The following PPP4R2 variants were observed in gnomAD, a reference collection of about 807,000 sequenced individuals.
PPP4R2 encodes serine/threonine-protein phosphatase 4 regulatory subunit 2.
PPP4R2 carries 13 observed loss-of-function variants against 47.2 expected under a neutral mutation model. That is an observed-to-expected ratio of 0.28 (90% CI 0.18 to 0.44). The LOEUF (loss-of-function observed/expected upper bound fraction) is 0.44, where lower values mean the gene tolerates loss of function less well. PPP4R2 is among the 20% of genes least tolerant of loss of function. PPP4R2 has a pLI of 1.00. For synonymous variants in PPP4R2, 151 were observed against 163.3 expected (o/e 0.92, Z 0.57); for missense variants, 421 against 491.2 (o/e 0.86, Z 1.35).
At chr3:73,053,677 A>G (rs1205297720) in intron 3 of PPP4R2, among the ~76,000 whole-genome samples, 1 of 152,078 alleles carries the variant, frequency 6.6e-6, no homozygotes, top group African/African-American at 2.4e-5. Flanking sequence ...TGGGAGGCCC[A>G]GGCAGGCGGA....
chr3:73,068,344 T>G lies in PPP4R2; in HGVS notation c.*2622T>G, dbSNP rs953906893. Reference sequence around the variant, plus strand: ...CTATAACCCAACATGTAAAAAAAATTTGAAGATGGTGATGAGGAAAGTGAG... The same window carrying G: ...CTATAACCCAACATGTAAAAAAAATGTGAAGATGGTGATGAGGAAAGTGAG... On this transcript the variant is annotated 3_prime_UTR_variant, in exon 9 of 9. Coordinates refer to ENST00000356692, the MANE Select transcript of PPP4R2 (RefSeq NM_174907.4). 1.3e-5 allele frequency: 2 copies of G among 152,042 alleles called. No homozygotes were observed. The highest frequency in any genetic ancestry group is 4.8e-5 in the African/African-American group (2 of 41,370). The allele number at this position is 152,042 out of a possible 1,614,324, so 9.4% of individuals were successfully genotyped here.
At chr3:73,019,992 A>T (rs1262848641) in intron 2 of PPP4R2, among the ~76,000 whole-genome samples, 3 of 152,156 alleles carry the variant, frequency 2.0e-5, no homozygotes, top group Non-Finnish European at 4.4e-5. Context: ...TGGTTGTTTT[A>T]TCATTATTTC....
chr3:73,050,255 G>C (rs768288795), intron 3 of PPP4R2, among the ~76,000 whole-genome samples: 1 of 152,058 alleles, frequency 6.6e-6, no homozygotes, highest in Non-Finnish European at 1.5e-5. Context: ...TTGAGCCACC[G>C]CGCCTGGCCC....
chr3:73,065,774 A>G lies in PPP4R2; in HGVS notation c.*52A>G, dbSNP rs776827169. The G allele has an allele frequency of 2.5e-5, 31 of 1,234,122 alleles. No individual in the cohort carries two copies. Among genetic ancestry groups the G allele is most frequent in the Non-Finnish European group, 3.2e-5 (29 of 895,924 alleles). The allele number at this position is 1,234,122 out of a possible 1,614,324, so 76.4% of individuals were successfully genotyped here. On this transcript the variant is annotated 3_prime_UTR_variant, in exon 9 of 9. Coordinates refer to ENST00000356692, the MANE Select transcript of PPP4R2 (RefSeq NM_174907.4). Reference sequence around the variant, plus strand: ...TTTTACATACAGTTCTGGTTTTAACACTGTATAAAACTTTTGTGTAATAAA... The same window carrying G: ...TTTTACATACAGTTCTGGTTTTAACGCTGTATAAAACTTTTGTGTAATAAA...
chr3:72,997,119 G>A (rs756276349), intron 1 of PPP4R2, 48 bp downstream of exon 1: 2 of 1,302,130 alleles, frequency 1.5e-6, no homozygotes, highest in Non-Finnish European at 2.0e-6. Flanking sequence ...TCTCCGGCTC[G>A]CTCTTCTCTC....
At chr3:73,005,438 ATTG>A (rs972251148) in intron 2 of PPP4R2, among the ~76,000 whole-genome samples, 3 of 151,924 alleles carry the variant, frequency 2.0e-5, no homozygotes, top group African/African-American at 4.8e-5. Context: ...AAGAAAGTGA[ATTG>A]TTGTCTTTGG....
intron 2 of PPP4R2, among the ~76,000 whole-genome samples, chr3:73,021,098 T>C (rs551564059): frequency 6.6e-6 from 1 of 152,282 alleles, no homozygotes; most frequent in African/African-American, 2.4e-5. Flanking sequence ...TATGGATTGC[T>C]TTATGCAGAT....
chr3:73,046,572 GTACC>G lies in PPP4R2; in HGVS notation c.117-611_117-608del, dbSNP rs1702492526. ...TTTGATAAATGAATAGATGTGAAAA[GTACC>G]TAAGCAAATTATGTATTTTTATTGT... On this transcript the variant is annotated intron_variant, in intron 2 of 8. Transcript: ENST00000356692. Among the ~76,000 whole-genome samples the G allele has an allele frequency of 3.9e-5, 6 of 152,132 alleles. No individual in the cohort carries two copies. In the South Asian group the frequency reaches 1.2e-3, roughly 32 times the overall value.
At chr3:73,056,219 A>C (rs928180857) in intron 3 of PPP4R2, among the ~76,000 whole-genome samples, 4 of 152,208 alleles carry the variant, frequency 2.6e-5, no homozygotes, top group Admixed American at 6.5e-5. Flanking sequence ...TTAGAGGCCT[A>C]CCTCACACTA....
intron 2 of PPP4R2, among the ~76,000 whole-genome samples, chr3:73,043,692 A>G (rs1702426244): frequency 6.6e-6 from 1 of 152,184 alleles, no homozygotes; most frequent in Non-Finnish European, 1.5e-5. Flanking sequence ...AATAATGCTG[A>G]GCATCTTTTC....
intron 2 of PPP4R2, among the ~76,000 whole-genome samples, chr3:73,005,680 C>T (rs1169298092): frequency 1.3e-5 from 2 of 151,922 alleles, no homozygotes; most frequent in African/African-American, 4.8e-5. Flanking sequence ...GAAACCCCAT[C>T]TCTACTAAAA....
chr3:73,063,213 A>C, intron 5 of PPP4R2: 1 of 367,574 alleles, frequency 2.7e-6, no homozygotes, highest in Non-Finnish European at 5.1e-6. Context: ...CAACCATCAC[A>C]CTCCCTTTGC....
intron 2 of PPP4R2, among the ~76,000 whole-genome samples, chr3:73,010,951 T>G (rs1324448259): frequency 6.6e-6 from 1 of 152,194 alleles, no homozygotes; most frequent in Non-Finnish European, 1.5e-5. Flanking sequence ...CTATCTGAAG[T>G]AGGTCTTTCT....
intron 2 of PPP4R2, among the ~76,000 whole-genome samples, chr3:73,009,077 T>C (rs1265364235): frequency 6.6e-6 from 1 of 152,190 alleles, no homozygotes; most frequent in Non-Finnish European, 1.5e-5. Context: ...TATTCTACTT[T>C]TAGTGATTTT....
In PPP4R2 at chr3:73,009,174, T is replaced by C. The variant is rs1436553653; in HGVS notation, c.116+11016T>C. On this transcript the variant is annotated intron_variant, in intron 2 of 8. Coordinates refer to ENST00000356692, the MANE Select transcript of PPP4R2 (RefSeq NM_174907.4). ...ATGATCTCCAAGGTTCCTTCCAGCTTGAAAGCTTAGAGGAATCTCTGTGCT... is the reference window on the plus strand; with the variant it reads ...ATGATCTCCAAGGTTCCTTCCAGCTCGAAAGCTTAGAGGAATCTCTGTGCT... Among the ~76,000 whole-genome samples, 6 of 152,302 alleles carry C rather than the reference T, an allele frequency of 3.9e-5. No individual in the cohort carries two copies. The East Asian group carries it at 1.2e-3, about 29-fold the overall frequency.
chr3:73,056,651 T>C (rs1175802819), intron 3 of PPP4R2, among the ~76,000 whole-genome samples: 1 of 152,212 alleles, frequency 6.6e-6, no homozygotes, highest in Non-Finnish European at 1.5e-5. Flanking sequence ...TCTGAAATTG[T>C]CTAAGAACTT....
intron 3 of PPP4R2, among the ~76,000 whole-genome samples, chr3:73,050,297 T>C (rs887505313): frequency 6.6e-6 from 1 of 152,128 alleles, no homozygotes; most frequent in Non-Finnish European, 1.5e-5. Context: ...GATTTTTCAG[T>C]TTATGAATCA....
chr3:73,052,434 C>G (rs4613401), intron 3 of PPP4R2, among the ~76,000 whole-genome samples: 11,954 of 151,946 alleles, frequency 0.079, 605 homozygotes, highest in African/African-American at 0.14. Context: ...TTTATGCCCT[C>G]TGGAATTATA....
chr3:73,004,977 G>T lies in PPP4R2; in HGVS notation c.116+6819G>T, dbSNP rs201516981. 3.6e-4 allele frequency among the ~76,000 whole-genome samples: 54 copies of T among 148,230 alleles called. 1 individual carries two copies. In the East Asian group the frequency reaches 7.8e-3, roughly 21 times the overall value. ...TGTGTGTGTGTGTGTGTGTGTGTGT[G>T]TGTGTGTGTGTGTTTTGAGTCGGAG... On this transcript the variant is annotated intron_variant, in intron 2 of 8. Transcript: ENST00000356692.
Sources: gnomAD v4.1 joint callset for allele counts (sites outside exome capture counted in the v4.1 genomes callset) on GRCh38, gnomAD v4.1.1 for gene constraint, MANE v1.5 for transcripts, NCBI Gene and HGNC (gene_info 2026-07-23, HGNC 2026-07-21) for gene names.